ARMC2: variants seen among roughly 807,000 people sequenced by gnomAD.
The protein encoded by ARMC2 is armadillo repeat-containing protein 2.
In ARMC2, 67 loss-of-function variants were observed where a neutral mutation model predicts 90.3. That is an observed-to-expected ratio of 0.74 (90% CI 0.61 to 0.91). The LOEUF (loss-of-function observed/expected upper bound fraction) is 0.91. Among genes scored for constraint, ARMC2 ranks in the 40% least tolerant of loss-of-function variants. The pLI is 0.00. For synonymous variants in ARMC2, 393 were observed against 393.0 expected (o/e 1.00, Z 0.00); for missense variants, 920 against 1,030.9 (o/e 0.89, Z 1.47).
In ARMC2 at chr6:108,854,384, A is replaced by G. The variant is rs754467441; in HGVS notation, c.117A>G (p.Thr39=). 1 of 1,613,436 alleles carries G rather than the reference A, an allele frequency of 6.2e-7. No individual in the cohort carries two copies. Among genetic ancestry groups the G allele is most frequent in the South Asian group, 1.1e-5 (1 of 91,058 alleles). Residue 39 remains threonine (T), a synonymous_variant, in exon 2 of 18, where the codon ACA becomes ACG. Coordinates refer to ENST00000392644, the MANE Select transcript of ARMC2 (RefSeq NM_032131.6). The part of the protein sequence containing the change: ...IISEARNALR[T]VRTQRPFTPQ... ...GTGAAGCAAGAAATGCATTAAGAAC[A>G]GTTAGAACCCAAAGACCATTTACAC...
chr6:108,890,335 A>G (rs991988782), intron 5 of ARMC2, among the ~76,000 whole-genome samples: 32 of 150,314 alleles, frequency 2.1e-4, no homozygotes, highest in Non-Finnish European at 4.0e-4. Flanking sequence ...TAGACAAGTG[A>G]TTACTGACTC....
chr6:108,868,365 C>A (rs1379714607), intron 3 of ARMC2, among the ~76,000 whole-genome samples: 1 of 152,000 alleles, frequency 6.6e-6, no homozygotes, highest in Non-Finnish European at 1.5e-5. Flanking sequence ...TACAAGCATG[C>A]GCCACCATGC....
At chr6:109,039,089 G>A in the ARMC2 span, among the ~76,000 whole-genome samples, 152 of 149,536 alleles carry the variant, frequency 1.0e-3, 1 homozygote, top group African/African-American at 3.6e-3. Flanking sequence ...GGGAGGAAAA[G>A]GAGAAGGAGG....
At chr6:108,877,700 G>T (rs565653977) in intron 5 of ARMC2, among the ~76,000 whole-genome samples, 1 of 152,310 alleles carries the variant, frequency 6.6e-6, no homozygotes, top group South Asian at 2.1e-4. Context: ...AATGAAAGTT[G>T]ACTAGAAAAA....
chr6:108,989,418 T>C, the ARMC2 span, among the ~76,000 whole-genome samples: 15 of 148,180 alleles, frequency 1.0e-4, no homozygotes, highest in Non-Finnish European at 1.2e-4. Context: ...TATCTCTAGA[T>C]CTAGAGATAT....
At chr6:108,975,705 G>A (rs541808120), downstream of ARMC2, among the ~76,000 whole-genome samples, 119 of 152,240 alleles carry the variant, frequency 7.8e-4, 2 homozygotes, top group South Asian at 0.021. Context: ...TCTAACTGGC[G>A]TGACATGGTA....
intron 3 of ARMC2, among the ~76,000 whole-genome samples, chr6:108,859,951 T>C (rs552089210): frequency 3.3e-4 from 50 of 151,444 alleles, no homozygotes; most frequent in African/African-American, 1.1e-3. Context: ...TTGTAGTGAG[T>C]TGAGATTGCA....
At chr6:108,965,190 T>G in intron 17 of ARMC2, 50 bp downstream of exon 17, 2 of 1,523,460 alleles carry the variant, frequency 1.3e-6, no homozygotes, top group Non-Finnish European at 1.8e-6. Context: ...GAGTGTGAGA[T>G]AGTTTTTTTC....
Position 108,885,673 on chromosome 6 carries a change from C to CAAA in ARMC2, c.672-8785_672-8783dup, listed in dbSNP as rs772185235. Among the ~76,000 whole-genome samples the CAAA allele has an allele frequency of 1.0e-4, 12 of 117,462 alleles. No individual in the cohort carries two copies. The East Asian group carries it at 1.8e-3, about 18-fold the overall frequency. 77.1% of individuals were successfully genotyped at this position (117,462 alleles called of 152,430 possible). ...TGGGTGACAGAGTGAGACTCTGTCG[C>CAAA]AAAAAAAAAAAGAAAAGAAAAGAAA... On this transcript the variant is annotated intron_variant, in intron 5 of 17. Coordinates refer to ENST00000392644, the MANE Select transcript of ARMC2 (RefSeq NM_032131.6).
chr6:108,996,802 A>C, the ARMC2 span, among the ~76,000 whole-genome samples: 1 of 152,242 alleles, frequency 6.6e-6, no homozygotes, highest in Non-Finnish European at 1.5e-5. Flanking sequence ...GTTCTTCAGT[A>C]GCTACTGGAA....
chr6:108,898,420 A>C (rs1205206614), intron 6 of ARMC2, among the ~76,000 whole-genome samples: 1 of 152,118 alleles, frequency 6.6e-6, no homozygotes, highest in African/African-American at 2.4e-5. Flanking sequence ...GAGGGCATGG[A>C]CTCCCTGACT....
At chr6:108,990,671 G>C in the ARMC2 span, 1 of 1,614,038 alleles carries the variant, frequency 6.2e-7, no homozygotes, top group Non-Finnish European at 8.5e-7. Flanking sequence ...AGTGAATATA[G>C]TTCCAAATTG....
chr6:108,946,040 T>C (rs893369036), intron 12 of ARMC2, among the ~76,000 whole-genome samples: 1 of 152,258 alleles, frequency 6.6e-6, no homozygotes, highest in Admixed American at 6.5e-5. Context: ...TTGCTCCTTT[T>C]TTCAGCCTTG....
At chr6:109,038,530 C>T in the ARMC2 span, among the ~76,000 whole-genome samples, 2 of 152,110 alleles carry the variant, frequency 1.3e-5, no homozygotes, top group African/African-American at 2.4e-5. Flanking sequence ...GTCTTTAGCA[C>T]CTGAATTACC....
intron 3 of ARMC2, among the ~76,000 whole-genome samples, chr6:108,868,127 G>A (rs1776014339): frequency 6.6e-6 from 1 of 150,800 alleles, no homozygotes; most frequent in African/African-American, 2.4e-5. Flanking sequence ...GTACATGTAG[G>A]TACTCAACAA....
At chr6:108,918,633 G>C (rs1221516378) in intron 10 of ARMC2, among the ~76,000 whole-genome samples, 5 of 152,148 alleles carry the variant, frequency 3.3e-5, no homozygotes, top group African/African-American at 1.2e-4. Flanking sequence ...CCGCCACCCT[G>C]CATGGTCCAG....
chr6:108,984,879 G>A, the ARMC2 span, among the ~76,000 whole-genome samples: 1 of 152,046 alleles, frequency 6.6e-6, no homozygotes, highest in African/African-American at 2.4e-5. Context: ...TCCTGGCTTT[G>A]CATTTGCCTA....
At chr6:108,926,253 G>A (rs1775093856) in intron 10 of ARMC2, among the ~76,000 whole-genome samples, 1 of 152,158 alleles carries the variant, frequency 6.6e-6, no homozygotes, top group Admixed American at 6.5e-5. Flanking sequence ...ACAGGCATCT[G>A]TACTCTTCCG....
At chr6:109,003,198 C>A in the ARMC2 span, among the ~76,000 whole-genome samples, 1 of 151,670 alleles carries the variant, frequency 6.6e-6, no homozygotes, top group South Asian at 2.1e-4. Context: ...TATGTCCTAT[C>A]TAGTGTCATT....
Sources: gnomAD v4.1 joint callset for allele counts (sites outside exome capture counted in the v4.1 genomes callset) on GRCh38, gnomAD v4.1.1 for gene constraint, MANE v1.5 for transcripts, NCBI Gene and HGNC (gene_info 2026-07-23, HGNC 2026-07-21) for gene names.